Variants in OBI1 observed in about 807,000 individuals in gnomAD.
OBI1 encodes the protein ring finger protein 219.
OBI1 carries 59 observed loss-of-function variants against 62.4 expected under a neutral mutation model. The ratio of observed to expected loss-of-function variants is 0.95; its 90% CI spans 0.77 to 1.17. The LOEUF (loss-of-function observed/expected upper bound fraction) is 1.17, where lower values mean the gene tolerates loss of function less well. OBI1 is among the 50% of genes most tolerant of loss of function. The pLI is 0.00. For synonymous variants in OBI1, 302 were observed against 292.8 expected (o/e 1.03, Z -0.32); for missense variants, 875 against 830.9 (o/e 1.05, Z -0.65).
intron 1 of OBI1, among the ~76,000 whole-genome samples, chr13:78,653,966 G>A (rs1876621134): frequency 6.7e-6 from 1 of 149,730 alleles, no homozygotes; most frequent in Non-Finnish European, 1.5e-5. Context: ...TTCCTGGATA[G>A]CTCTTGGTTA....
At position 78,659,140 on chromosome 13, in the gene OBI1, C is replaced by G. The variant is rs541576073; in HGVS notation, c.-20G>C. ...AGCCATGGCAGCGTTCAGAATCCCG[C>G]CAACACGGAAGTCCCGCCGACCTAC... is the stretch of plus-strand genomic sequence containing the variant. On this transcript the variant is annotated 5_prime_UTR_variant, in exon 1 of 6. Transcript: ENST00000282003. 7 of 1,607,792 alleles carry G rather than the reference C, an allele frequency of 4.4e-6. No homozygotes were observed. Among genetic ancestry groups the G allele is most frequent in the Admixed American group, 3.4e-5 (2 of 59,324 alleles).
intron 4 of OBI1, among the ~76,000 whole-genome samples, chr13:78,635,525 T>G (rs1217339620): frequency 1.3e-5 from 2 of 152,202 alleles, no homozygotes; most frequent in East Asian, 3.8e-4. Context: ...CATAACTGAA[T>G]ATTCTAGGCA....
At chr13:78,632,437 T>C (rs886264985) in intron 5 of OBI1, among the ~76,000 whole-genome samples, 1 of 152,192 alleles carries the variant, frequency 6.6e-6, no homozygotes, top group African/African-American at 2.4e-5. Context: ...GTCTAAACTT[T>C]AAAGCTCACT....
chr13:78,652,561 A>G (rs1434762458), intron 1 of OBI1, among the ~76,000 whole-genome samples: 1 of 152,194 alleles, frequency 6.6e-6, no homozygotes, highest in Non-Finnish European at 1.5e-5. Flanking sequence ...TGGAGTAAGC[A>G]TAGTAAAGTG....
chr13:78,630,624 T>A (rs759222239), intron 5 of OBI1, among the ~76,000 whole-genome samples: 1 of 152,018 alleles, frequency 6.6e-6, no homozygotes, highest in Non-Finnish European at 1.5e-5. Context: ...ATAAGTGAGA[T>A]TAATGCCCTT....
intron 1 of OBI1, among the ~76,000 whole-genome samples, chr13:78,649,387 A>T (rs1876478963): frequency 6.6e-6 from 1 of 152,236 alleles, no homozygotes; most frequent in South Asian, 2.1e-4. Flanking sequence ...GCGGCCAGAT[A>T]AGTAAAATAT....
chr13:78,651,735 T>C (rs1876551272), intron 1 of OBI1, among the ~76,000 whole-genome samples: 1 of 152,234 alleles, frequency 6.6e-6, no homozygotes, highest in Non-Finnish European at 1.5e-5. Context: ...TGTTCATTTA[T>C]TTAATGTTCA....
intron 5 of OBI1, among the ~76,000 whole-genome samples, chr13:78,618,589 AT>A (rs1875402367): frequency 6.6e-6 from 1 of 152,170 alleles, no homozygotes; most frequent in South Asian, 2.1e-4. Context: ...TAAATATAGA[AT>A]CATAAAATCT....
At chr13:78,640,092 T>C (rs1364762835) in intron 3 of OBI1, among the ~76,000 whole-genome samples, 1 of 151,584 alleles carries the variant, frequency 6.6e-6, no homozygotes, top group East Asian at 1.9e-4. Flanking sequence ...AACAGGGAAG[T>C]AGATTCCATT....
intron 2 of OBI1, among the ~76,000 whole-genome samples, chr13:78,642,920 T>C (rs1487813287): frequency 6.6e-6 from 1 of 152,104 alleles, no homozygotes; most frequent in East Asian, 1.9e-4. Context: ...TATATACCTA[T>C]GTATATAGAT....
chr13:78,639,150 G>A, intron 3 of OBI1, 79 bp from the exon 4 acceptor site: 1 of 1,422,978 alleles, frequency 7.0e-7, no homozygotes, highest in Non-Finnish European at 9.4e-7. Context: ...AAGCCAACAT[G>A]GTTTGAATTT....
intron 1 of OBI1, among the ~76,000 whole-genome samples, chr13:78,654,000 G>C (rs1323954420): frequency 6.7e-6 from 1 of 148,974 alleles, no homozygotes; most frequent in Non-Finnish European, 1.5e-5. Flanking sequence ...CCCTGGTTCT[G>C]GGCCAGAATT....
intron 2 of OBI1, among the ~76,000 whole-genome samples, chr13:78,643,575 G>T (rs1386612874): frequency 1.3e-5 from 2 of 152,212 alleles, no homozygotes; most frequent in Non-Finnish European, 2.9e-5. Context: ...GATCACCTGA[G>T]GTCGGGAGTT....
rs190906661 is a variant in OBI1, at chr13:78,639,249, A to C, written c.301-178T>G. Among the ~76,000 whole-genome samples, 19 of 152,364 alleles carry C rather than the reference A, an allele frequency of 1.2e-4. 1 individual carries two copies. The East Asian group carries it at 2.1e-3, about 17-fold the overall frequency. On this transcript the variant is annotated intron_variant, in intron 3 of 5. Transcript: ENST00000282003. ...GTCACATACAGTTTAAATTCTCAAA[A>C]TGTGGCCTGACTGATAAAAATTGGG...
Position 78,615,809 on chromosome 13 carries a change from G to A in OBI1, c.1952C>T (p.Ser651Phe), listed in dbSNP as rs1875253360. The A allele has an allele frequency of 3.1e-6, 5 of 1,613,842 alleles. No homozygotes were observed. Among genetic ancestry groups the A allele is most frequent in the Non-Finnish European group, 2.5e-6 (3 of 1,179,946 alleles). Residue 651 changes from serine (S) to phenylalanine (F), a missense_variant, in exon 6 of 6, where the codon TCC becomes TTC. Transcript: ENST00000282003. The part of the protein sequence containing the change: ...PPSCLFQTEF[S>F]QGILLSSSHR... ...TGAACTGCTTAACAAAATGCCCTGG[G>A]AAAACTCTGTCTGAAACAAGCAGCT...
intron 5 of OBI1, among the ~76,000 whole-genome samples, chr13:78,634,100 A>C (rs186454376): frequency 0.013 from 1,908 of 148,730 alleles, 38 homozygotes; most frequent in African/African-American, 0.046. Context: ...AAAACAAAAA[A>C]AAAAAACAAA....
At position 78,642,128 on chromosome 13, in the gene OBI1, T is replaced by C; in HGVS notation, c.294A>G (p.Glu98=). The change falls in exon 3 of 6, where the codon GAA becomes GAG. Residue 98 remains glutamate (E), a synonymous_variant. Transcript: ENST00000282003. ...AACTTTGATTACTGTTTACCTCATATTCTTTGTGTAGTAATTCAAGTCTAG... is the reference window on the plus strand; with the variant it reads ...AACTTTGATTACTGTTTACCTCATACTCTTTGTGTAGTAATTCAAGTCTAG... ...RKTRLELLHK[E]YEDEIDCLQK... is the part of the protein sequence containing the mutation. 1.3e-6 allele frequency: 2 copies of C among 1,583,074 alleles called. No individual in the cohort carries two copies. The highest frequency in any genetic ancestry group is 1.7e-6 in the Non-Finnish European group (2 of 1,151,996).
intron 5 of OBI1, among the ~76,000 whole-genome samples, chr13:78,634,144 A>G (rs1280946844): frequency 1.3e-5 from 2 of 152,038 alleles, no homozygotes; most frequent in African/African-American, 4.8e-5. Context: ...ACTACTCCAT[A>G]AGGGAAAAAT....
At chr13:78,657,925 T>C (rs1006095810) in intron 1 of OBI1, among the ~76,000 whole-genome samples, 1 of 152,190 alleles carries the variant, frequency 6.6e-6, no homozygotes, top group Admixed American at 6.5e-5. Flanking sequence ...TCTCTCCAAA[T>C]TGATCAAGCC....
Sources: gnomAD v4.1 joint callset for allele counts (sites outside exome capture counted in the v4.1 genomes callset) on GRCh38, gnomAD v4.1.1 for gene constraint, MANE v1.5 for transcripts, NCBI Gene and HGNC (gene_info 2026-07-23, HGNC 2026-07-21) for gene names.